Variants in C3orf22 observed in about 807,000 individuals in gnomAD.
C3orf22 encodes uncharacterized protein C3orf22.
Under a neutral mutation model 10.8 loss-of-function variants are expected in C3orf22, and 7 were observed. That is an observed-to-expected ratio of 0.65 (90% CI 0.37 to 1.22). The LOEUF is 1.22. Among genes scored for constraint, C3orf22 ranks in the 50% most tolerant of loss-of-function variants. The pLI is 0.02. For synonymous variants in C3orf22, 79 were observed against 78.9 expected (o/e 1.00, Z 0.00); for missense variants, 173 against 177.0 (o/e 0.98, Z 0.13).
chr3:126,529,233 T>C (rs1024083344), exon 5 of C3orf22: 5 of 1,037,422 alleles, frequency 4.8e-6, no homozygotes, highest in Non-Finnish European at 6.6e-6. Flanking sequence ...ACCCGGTATC[T>C]TGATTGGCAG....
intron 4 of C3orf22, among the ~76,000 whole-genome samples, chr3:126,535,194 GACAGACAGC>G (rs1576752033): frequency 6.9e-6 from 1 of 144,042 alleles, no homozygotes; most frequent in Admixed American, 6.9e-5. Context: ...CCGGGAGACA[GACAGACAGC>G]ATCGCTGTCC....
intron 4 of C3orf22, chr3:126,542,395 G>A (rs1936983889): frequency 6.4e-7 from 1 of 1,555,132 alleles, no homozygotes; most frequent in African/African-American, 1.4e-5. Context: ...TGGGCCTGGC[G>A]GGCGCATCCG....
At chr3:126,540,727 A>C (rs1936940241) in intron 4 of C3orf22, among the ~76,000 whole-genome samples, 1 of 152,190 alleles carries the variant, frequency 6.6e-6, no homozygotes, top group Non-Finnish European at 1.5e-5. Context: ...TCTCTTGAGA[A>C]TATGCCTAGG....
At chr3:126,535,648 A>G (rs370803123) in intron 4 of C3orf22, among the ~76,000 whole-genome samples, 1,620 of 151,092 alleles carry the variant, frequency 0.011, 18 homozygotes, top group African/African-American at 0.037. Context: ...AGACAGCATC[A>G]CTGTCCTCAG....
At chr3:126,556,923 CAGACACAT>C (rs573486259) in intron 1 of C3orf22, among the ~76,000 whole-genome samples, 135 of 125,998 alleles carry the variant, frequency 1.1e-3, no homozygotes, top group East Asian at 3.9e-3. Context: ...TAGACACACA[CAGACACAT>C]ACACACTCAC....
intron 4 of C3orf22, among the ~76,000 whole-genome samples, chr3:126,531,740 T>G (rs527836664): frequency 1.4e-4 from 21 of 152,356 alleles, no homozygotes; most frequent in Admixed American, 1.2e-3. Flanking sequence ...GTTTCCATTT[T>G]GGGGCTATCA....
At chr3:126,542,089 C>T (rs1335815997) in intron 4 of C3orf22, 6 of 1,584,314 alleles carry the variant, frequency 3.8e-6, no homozygotes, top group Non-Finnish European at 5.1e-6. Context: ...CCTTCGAGCG[C>T]CTGGCATCGG....
chr3:126,542,099 G>T, intron 4 of C3orf22: 1 of 1,582,200 alleles, frequency 6.3e-7, no homozygotes, highest in Non-Finnish European at 8.6e-7. Flanking sequence ...CCTGGCATCG[G>T]CTTACCGCAA....
chr3:126,534,965 A>G (rs1345464032), intron 4 of C3orf22, among the ~76,000 whole-genome samples: 3 of 123,744 alleles, frequency 2.4e-5, no homozygotes, highest in African/African-American at 6.3e-5. Flanking sequence ...CCAGCCGGAG[A>G]CAGACCAGCA....
chr3:126,547,843 A>G (rs1379847479), downstream of C3orf22, among the ~76,000 whole-genome samples: 1 of 152,204 alleles, frequency 6.6e-6, no homozygotes, highest in African/African-American at 2.4e-5. Context: ...CACCCACAGT[A>G]GCACAAAGTG....
chr3:126,539,190 C>T (rs1208725104), intron 4 of C3orf22, among the ~76,000 whole-genome samples: 1 of 152,160 alleles, frequency 6.6e-6, no homozygotes, highest in African/African-American at 2.4e-5. Flanking sequence ...CTACTCCCAC[C>T]TGGGATGACT....
At chr3:126,539,874 C>CG (rs1936909505) in intron 4 of C3orf22, among the ~76,000 whole-genome samples, 1 of 264 alleles carries the variant, frequency 3.8e-3, no homozygotes, top group Non-Finnish European at 6.6e-3. Flanking sequence ...ACACCACACA[C>CG]ACACACAAAC....
At chr3:126,535,433 C>G (rs1196577989) in intron 4 of C3orf22, among the ~76,000 whole-genome samples, 1 of 148,888 alleles carries the variant, frequency 6.7e-6, no homozygotes, top group Non-Finnish European at 1.5e-5. Context: ...GACAGACAGA[C>G]AGCATCCCTG....
chr3:126,529,508 G>A (rs1450180625), intron 4 of C3orf22: 4 of 701,716 alleles, frequency 5.7e-6, no homozygotes, highest in Non-Finnish European at 8.2e-6. Flanking sequence ...CAAGGAAGCT[G>A]TGAGGCCTCG....
downstream of C3orf22, among the ~76,000 whole-genome samples, chr3:126,545,685 C>T (rs2107576167): frequency 6.6e-6 from 1 of 152,326 alleles, no homozygotes; most frequent in South Asian, 2.1e-4. Flanking sequence ...AAATGTGTGT[C>T]ACCAGCACAC....
At chr3:126,536,920 CACA>C (rs1560140829) in intron 4 of C3orf22, among the ~76,000 whole-genome samples, 27 of 151,378 alleles carry the variant, frequency 1.8e-4, no homozygotes, top group Non-Finnish European at 3.4e-4. Flanking sequence ...CACACACACA[CACA>C]CCCCACACAC....
At chr3:126,548,317 G>A, downstream of C3orf22, among the ~76,000 whole-genome samples, 1 of 152,182 alleles carries the variant, frequency 6.6e-6, no homozygotes, top group East Asian at 1.9e-4. Flanking sequence ...TTTTTTAAGT[G>A]GGGAGAAAGA....
At position 126,553,614 on chromosome 3, in the gene C3orf22, G is replaced by A. The variant is rs1158377419; in HGVS notation, c.-40-184C>T. ...AGCTTCCTGTGACCACCGTAATCAAGGTCCTCACCAGACGCTCTCCCCAAG... is the reference window on the plus strand; with the variant it reads ...AGCTTCCTGTGACCACCGTAATCAAAGTCCTCACCAGACGCTCTCCCCAAG... On this transcript the variant is annotated intron_variant, in intron 1 of 3. Transcript: ENST00000318225. Among the ~76,000 whole-genome samples the A allele has an allele frequency of 2.6e-5, 4 of 152,052 alleles. No homozygotes were observed. The East Asian group carries it at 7.7e-4, about 29-fold the overall frequency.
chr3:126,536,238 A>G, intron 4 of C3orf22: 2 of 1,594,790 alleles, frequency 1.3e-6, no homozygotes, highest in Middle Eastern at 1.7e-4. Context: ...TCCCTCTGAT[A>G]TGGTGGCGAC....
Sources: allele counts gnomAD v4.1 joint callset (sites outside exome capture counted in the v4.1 genomes callset), GRCh38; gene constraint gnomAD v4.1.1; transcripts MANE v1.5; gene names NCBI Gene and HGNC (gene_info 2026-07-23, HGNC 2026-07-21).